The following MYH7 variants were observed in gnomAD, a reference collection of about 807,000 sequenced individuals.
The protein encoded by MYH7 is myosin-7.
Under a neutral mutation model 225.4 loss-of-function variants are expected in MYH7, and 129 were observed. The observed-to-expected ratio is 0.57, with a 90% CI of 0.50 to 0.66. The LOEUF is 0.66. Ranked by LOEUF, MYH7 falls within the 30% of genes least tolerant of loss-of-function variation. MYH7 has a pLI of 0.00. For synonymous variants in MYH7, 971 were observed against 1,007.6 expected, an observed-to-expected ratio of 0.96 and a Z score of 0.69; for missense variants, 1,649 against 2,517.0, an observed-to-expected ratio of 0.66 and a Z score of 7.38.
At position 23,427,774 on chromosome 14, in the gene MYH7, G is replaced by C; in HGVS notation, c.1699C>G (p.Arg567Gly). ...LGKSANFQKP[R>G]NIKGKPEAHF... ...GCTTCAGGCTTCCCCTTGATATTGC[G>C]TGGCTTCTGGAAGTTGGCGGATTTG... The change falls in exon 16 of 40, where the codon CGC (arginine) becomes GGC (glycine). Residue 567 changes from arginine (R) to glycine (G), a missense_variant. By Grantham distance (125) the Arg-to-Gly change is moderately radical. Around this residue, in one of 12 missense-constraint regions of MYH7, gnomAD observed 112 missense variants for 161.9 expected, o/e 0.69. Transcript: ENST00000355349. 6.2e-7 allele frequency: 1 copy of C among 1,614,160 alleles called. No individual in the cohort carries two copies. Among genetic ancestry groups the C allele is most frequent in the Non-Finnish European group, 8.5e-7 (1 of 1,180,030 alleles).
chr14:23,430,003 C>T, intron 11 of MYH7, 90 bp from the exon 12 acceptor site: 1 of 1,508,548 alleles, frequency 6.6e-7, no homozygotes, highest in Non-Finnish European at 9.1e-7. Context: ...AAACTTGTCT[C>T]CTTAATCCCT....
chr14:23,423,846 G>A (rs1019129273), intron 23 of MYH7, 61 bp downstream of exon 23: 1 of 1,613,476 alleles, frequency 6.2e-7, no homozygotes, highest in Non-Finnish European at 8.5e-7. Context: ...CTGGGTCAAG[G>A]TCAGTATGGT....
intron 15 of MYH7, 116 bp downstream of exon 15, chr14:23,428,384 A>G (rs774960021): frequency 4.9e-5 from 75 of 1,532,602 alleles, no homozygotes; most frequent in Non-Finnish European, 6.6e-5. Flanking sequence ...AAGGGCTCGG[A>G]TCCTTCAGCC....
chr14:23,432,255 T>C (rs1595090110), intron 6 of MYH7, among the ~76,000 whole-genome samples: 1 of 146,974 alleles, frequency 6.8e-6, no homozygotes, highest in Admixed American at 6.8e-5. Flanking sequence ...AGTTGGAGAG[T>C]GGGTGAAGGA....
In MYH7 at chr14:23,415,348, G is replaced by A. The variant is rs1487730110; in HGVS notation, c.5283+33C>T. ...CTGCCCAGCCCACGGAGAGACACTG[G>A]TCTGGATCGGGTCGGTGGAGTGGGG... On this transcript the variant is annotated intron_variant, in intron 36 of 39. Coordinates refer to ENST00000355349, the MANE Select transcript of MYH7 (RefSeq NM_000257.4). The surrounding 1 kb of genome is among the most constrained non-coding windows in gnomAD (Gnocchi z 6.3). 6.2e-7 allele frequency: 1 copy of A among 1,614,104 alleles called. No individual in the cohort carries two copies. The highest frequency in any genetic ancestry group is 8.5e-7 in the Non-Finnish European group (1 of 1,180,056).
chr14:23,428,886 A>C lies in MYH7; in HGVS notation c.1407+69T>G, dbSNP rs547290452. Reference sequence around the variant, plus strand: ...CCATGTCTGGTCCACAGCTGGCTCTAAGCAAATAGCTGTTGAATGTGGGAG... The same window carrying C: ...CCATGTCTGGTCCACAGCTGGCTCTCAGCAAATAGCTGTTGAATGTGGGAG... On this transcript the variant is annotated intron_variant, in intron 14 of 39. Transcript: ENST00000355349. 1.1e-5 allele frequency: 17 copies of C among 1,611,484 alleles called. No homozygotes were observed. In the African/African-American group the frequency reaches 1.5e-4, roughly 14 times the overall value.
rs1366841086 is a variant in MYH7, at chr14:23,431,591, G to T, written c.726C>A (p.Ser242=). 2 of 1,614,272 alleles carry T rather than the reference G, an allele frequency of 1.2e-6. No homozygotes were observed. The highest frequency in any genetic ancestry group is 2.2e-5 in the South Asian group (2 of 91,090). ...AAGGTCAGGGACCACTCACGAAGCG[G>T]GAGGAGTTGTCGTTCCGGACGGTCT... ...NAKTVRNDNS[S]RFGKFIRIHF... The change falls in exon 8 of 40, where the codon TCC becomes TCA. Residue 242 remains serine (S), a synonymous_variant. Transcript: ENST00000355349.
chr14:23,435,005 CG>C (rs148622358), intron 1 of MYH7, among the ~76,000 whole-genome samples: 9,529 of 152,170 alleles, frequency 0.063, 369 homozygotes, highest in South Asian at 0.098. Context: ...ATGTGTGCCA[CG>C]TAAGTAGATC....
chr14:23,425,459 A>T lies in MYH7; in HGVS notation c.2287-41T>A. ...GTGTTGGCCATGACTAGGGAGGGGT[A>T]CGAGGGAAAGAGATGGTGGGGATTA... On this transcript the variant is annotated intron_variant, in intron 20 of 39. Transcript: ENST00000355349. The surrounding 1 kb of genome is among the most constrained non-coding windows in gnomAD (Gnocchi z 4.6). 6.2e-7 allele frequency: 1 copy of T among 1,613,878 alleles called. No homozygotes were observed. Among genetic ancestry groups the T allele is most frequent in the South Asian group, 1.1e-5 (1 of 91,082 alleles).
chr14:23,428,171 T>C (rs1892772672), intron 15 of MYH7, among the ~76,000 whole-genome samples: 1 of 152,064 alleles, frequency 6.6e-6, no homozygotes, highest in Non-Finnish European at 1.5e-5. Context: ...GGGTTGAAAA[T>C]AGGTGCACTC....
Position 23,415,617 on chromosome 14 carries a change from G to C in MYH7, c.5157+12C>G, listed in dbSNP as rs1026329862. The C allele has an allele frequency of 1.2e-6, 2 of 1,613,594 alleles. No homozygotes were observed. The highest frequency in any genetic ancestry group is 1.7e-6 in the Non-Finnish European group (2 of 1,180,002). On this transcript the variant is annotated intron_variant, in intron 35 of 39. Coordinates refer to ENST00000355349, the MANE Select transcript of MYH7 (RefSeq NM_000257.4). This position sits in a 1 kb window ranked among gnomAD's most constrained non-coding sequence, Gnocchi z 6.3. ...TGTGCTCCCTTCAGGAATGAGCAGG[G>C]GAGCTGCTCACCTGGGAATGCAGCA...
intron 22 of MYH7, 95 bp downstream of exon 22, chr14:23,424,674 A>G: frequency 6.3e-7 from 1 of 1,596,372 alleles, no homozygotes; most frequent in Non-Finnish European, 8.5e-7. Flanking sequence ...TGACTGAAGG[A>G]ACAAGACAGT....
chr14:23,415,599 C>A lies in MYH7; in HGVS notation c.5157+30G>T, dbSNP rs1236876902. Reference sequence around the variant, plus strand: ...GCTTGCTGAGCCCCAGCCTGTGCTCCCTTCAGGAATGAGCAGGGGAGCTGC... The same window carrying A: ...GCTTGCTGAGCCCCAGCCTGTGCTCACTTCAGGAATGAGCAGGGGAGCTGC... On this transcript the variant is annotated intron_variant, in intron 35 of 39. Coordinates refer to ENST00000355349, the MANE Select transcript of MYH7 (RefSeq NM_000257.4). This position sits in a 1 kb window ranked among gnomAD's most constrained non-coding sequence, Gnocchi z 6.3. The A allele has an allele frequency of 2.5e-6, 4 of 1,613,586 alleles. No individual in the cohort carries two copies. The highest frequency in any genetic ancestry group is 3.4e-6 in the Non-Finnish European group (4 of 1,180,036).
In MYH7 at chr14:23,424,025, T is replaced by A. The variant is rs730880761; in HGVS notation, c.2804A>T (p.Glu935Val). Residue 935 changes from glutamate to valine, a missense_variant, in exon 23 of 40, where the codon GAG becomes GTG. Physicochemically the swap from Glu to Val is moderately radical, Grantham distance 121. Coordinates refer to ENST00000355349, the MANE Select transcript of MYH7 (RefSeq NM_000257.4). ...CAGCTTGCGCTTCTTGGCAGTGAGC[T>A]CAGCATTCATCTCCTCCTCATCCTC... The part of the protein sequence containing the change: ...RLEDEEEMNA[E>V]LTAKKRKLED... The A allele has an allele frequency of 3.7e-6, 6 of 1,614,248 alleles. No homozygotes were observed. Among genetic ancestry groups the A allele is most frequent in the Non-Finnish European group, 5.1e-6 (6 of 1,180,048 alleles).
Position 23,435,613 on chromosome 14 carries a change from C to A in MYH7, c.-65+7G>T, listed in dbSNP as rs187971334. 1 of 152,498 alleles carries A rather than the reference C, an allele frequency of 6.6e-6. No individual in the cohort carries two copies. The highest frequency in any genetic ancestry group is 1.9e-4 in the East Asian group (1 of 5,176). 9.4% of individuals were successfully genotyped at this position (152,498 alleles called of 1,614,324 possible). The stretch of plus-strand genomic sequence containing the variant: ...CCCAGAGTAAAGCCTCCAGCTCCCG[C>A]TCCTACCTGAGAGCAGCAGGGAAAG... On this transcript the variant is annotated splice_region_variant and intron_variant, in intron 1 of 39. Transcript: ENST00000355349.
At chr14:23,431,989 G>T (rs763132613) in intron 6 of MYH7, 120 bp from the exon 7 acceptor site, 11 of 1,029,054 alleles carry the variant, frequency 1.1e-5, no homozygotes, top group African/African-American at 1.6e-5. Flanking sequence ...AAGCTGCCAG[G>T]TTATCTACAC....
rs1476634154 is a variant in MYH7 at position 23,425,185 on chromosome 14, C to T, written c.2423+97G>A. Reference sequence around the variant, plus strand: ...TCATATGAGCCCCTCCTGCAGGTCTCTGTGTTTGAAGATCTGCTGAGCTTT... The same window carrying T: ...TCATATGAGCCCCTCCTGCAGGTCTTTGTGTTTGAAGATCTGCTGAGCTTT... On this transcript the variant is annotated intron_variant, in intron 21 of 39. Coordinates refer to ENST00000355349, the MANE Select transcript of MYH7 (RefSeq NM_000257.4). The surrounding 1 kb of genome is among the most constrained non-coding windows in gnomAD (Gnocchi z 4.6). 1.9e-6 allele frequency: 3 copies of T among 1,605,666 alleles called. No individual in the cohort carries two copies. Among genetic ancestry groups the T allele is most frequent in the East Asian group, 2.2e-5 (1 of 44,850 alleles).
In MYH7 at chr14:23,418,582, G is replaced by A. The variant is rs145971261; in HGVS notation, c.3973-176C>T. Among the ~76,000 whole-genome samples the A allele has an allele frequency of 4.3e-3, 649 of 152,312 alleles. 7 individuals carry two copies. The highest frequency in any genetic ancestry group is 0.015 in the African/African-American group (603 of 41,560). ...GATAACAAAGAATGCCAATACAGCA[G>A]TGAACTATTTAAGAAAAGCTTCATG... On this transcript the variant is annotated intron_variant, in intron 29 of 39. Transcript: ENST00000355349.
chr14:23,427,410 G>T, intron 16 of MYH7, 103 bp from the exon 17 acceptor site: 1 of 1,494,998 alleles, frequency 6.7e-7, no homozygotes, highest in Non-Finnish European at 9.2e-7. Context: ...TTTGGCCCCT[G>T]GGTGAGGGCC....
Sources: gnomAD v4.1 joint callset for allele counts (sites outside exome capture counted in the v4.1 genomes callset) on GRCh38, gnomAD v4.1.1 for gene constraint, gnomAD v4.1.1 regional missense constraint, Gnocchi (gnomAD v3.1) non-coding constraint, MANE v1.5 for transcripts, NCBI Gene and HGNC (gene_info 2026-07-23, HGNC 2026-07-21) for gene names.